The following IPCEF1 variants were observed in gnomAD, a reference collection of about 807,000 sequenced individuals.
IPCEF1 encodes interaction protein for cytohesin exchange factors 1.
Under a neutral mutation model 50.9 loss-of-function variants are expected in IPCEF1, and 31 were observed. The ratio of observed to expected loss-of-function variants is 0.61; its 90% CI spans 0.46 to 0.82. The LOEUF (loss-of-function observed/expected upper bound fraction) is 0.82. Ranked by LOEUF, IPCEF1 falls within the 40% of genes least tolerant of loss-of-function variation. IPCEF1 has a pLI of 0.00. For synonymous variants in IPCEF1, 181 were observed against 192.0 expected (o/e 0.94, Z 0.47); for missense variants, 458 against 514.0 (o/e 0.89, Z 1.05).
At chr6:154,246,549 T>G in intron 5 of IPCEF1, 42 bp downstream of exon 5, 2 of 1,574,074 alleles carry the variant, frequency 1.3e-6, no homozygotes, top group Non-Finnish European at 1.7e-6. Context: ...AACGTATCCC[T>G]CATTAAAACG....
At chr6:154,292,616 C>T (rs908906780) in intron 1 of IPCEF1, among the ~76,000 whole-genome samples, 1 of 152,074 alleles carries the variant, frequency 6.6e-6, no homozygotes, top group Non-Finnish European at 1.5e-5. Context: ...ATCTAGATCC[C>T]TTTTTCTCTT....
Position 154,167,962 on chromosome 6 carries a change from G to A in IPCEF1, c.1062C>T (p.Asn354=), listed in dbSNP as rs149391128. The A allele has an allele frequency of 9.9e-5, 159 of 1,604,310 alleles. No individual in the cohort carries two copies. The highest frequency in any genetic ancestry group is 5.5e-4 in the Admixed American group (33 of 59,620). The change falls in exon 11 of 12, where the codon AAC becomes AAT. Residue 354 remains asparagine (N), a synonymous_variant. Transcript: ENST00000367220. ...FVKRCKNPSI[N]EKLHKIRTLN... is the part of the protein sequence containing the mutation. ...ATGTTCGGATTTTGTGGAGTTTCTC[G>A]TTTATAGATGGATTTTTACACCGCT...
At chr6:154,222,837 C>T in intron 6 of IPCEF1, 1 of 317,594 alleles carries the variant, frequency 3.1e-6, no homozygotes, top group Non-Finnish European at 6.1e-6. Context: ...TATTTAACTG[C>T]TTGTTTTTTC....
intron 5 of IPCEF1, among the ~76,000 whole-genome samples, chr6:154,243,056 T>C (rs1194229698): frequency 6.6e-6 from 1 of 152,098 alleles, no homozygotes; most frequent in East Asian, 1.9e-4. Flanking sequence ...CTTCAGGGCA[T>C]GGAGACAGAG....
At chr6:154,273,181 T>G (rs747756315) in intron 2 of IPCEF1, among the ~76,000 whole-genome samples, 4 of 152,232 alleles carry the variant, frequency 2.6e-5, no homozygotes, top group Admixed American at 6.5e-5. Context: ...AAAATTATAA[T>G]GCTGGCATTC....
intron 9 of IPCEF1, among the ~76,000 whole-genome samples, chr6:154,201,227 A>C (rs774833164): frequency 3.9e-5 from 6 of 152,220 alleles, no homozygotes; most frequent in Non-Finnish European, 7.3e-5. Flanking sequence ...CAGAGGTGTG[A>C]AAATGGATTA....
At chr6:154,344,012 G>T (rs1175111689) in intron 1 of IPCEF1, among the ~76,000 whole-genome samples, 1 of 152,156 alleles carries the variant, frequency 6.6e-6, no homozygotes, top group Non-Finnish European at 1.5e-5. Flanking sequence ...CAGTTTTTGT[G>T]CAGGCTACGT....
At chr6:154,176,226 G>A (rs1800316275) in intron 10 of IPCEF1, among the ~76,000 whole-genome samples, 1 of 152,104 alleles carries the variant, frequency 6.6e-6, no homozygotes, top group Admixed American at 6.5e-5. Context: ...ATACTGAATG[G>A]GCAAAAACTG....
intron 10 of IPCEF1, among the ~76,000 whole-genome samples, chr6:154,177,466 A>C (rs576071346): frequency 6.6e-6 from 1 of 152,356 alleles, no homozygotes; most frequent in South Asian, 2.1e-4. Context: ...ACCCCATCAG[A>C]AAGTGGGCAA....
chr6:154,194,348 G>A (rs74439078), intron 10 of IPCEF1, among the ~76,000 whole-genome samples: 7,477 of 151,762 alleles, frequency 0.049, 304 homozygotes, highest in South Asian at 0.19. Flanking sequence ...GCCGTGAGCT[G>A]AGATCACACC....
At chr6:154,265,076 A>G (rs943139479) in intron 3 of IPCEF1, among the ~76,000 whole-genome samples, 1 of 152,158 alleles carries the variant, frequency 6.6e-6, no homozygotes, top group Non-Finnish European at 1.5e-5. Context: ...TGCCAAAAGA[A>G]GCACACCATA....
At chr6:154,339,667 G>T (rs999110022) in intron 1 of IPCEF1, among the ~76,000 whole-genome samples, 1 of 152,036 alleles carries the variant, frequency 6.6e-6, no homozygotes, top group Admixed American at 6.5e-5. Flanking sequence ...GCAGCTCACT[G>T]CAGTCTCAAA....
At chr6:154,304,729 T>C (rs1033918801) in intron 1 of IPCEF1, among the ~76,000 whole-genome samples, 6 of 152,156 alleles carry the variant, frequency 3.9e-5, no homozygotes, top group Non-Finnish European at 2.9e-5. Flanking sequence ...GCTCAGTTCA[T>C]ACCTGGGAAA....
At chr6:154,347,584 G>A (rs1784055182) in intron 1 of IPCEF1, among the ~76,000 whole-genome samples, 1 of 152,230 alleles carries the variant, frequency 6.6e-6, no homozygotes, top group South Asian at 2.1e-4. Context: ...TGGAAAAGCT[G>A]CAATTATCAG....
chr6:154,295,911 GCACA>G (rs58745478), intron 1 of IPCEF1, among the ~76,000 whole-genome samples: 100,945 of 150,270 alleles, frequency 0.67, 34,111 homozygotes, highest in East Asian at 0.82. Flanking sequence ...ACACACACAC[GCACA>G]CACACACACA....
chr6:154,219,926 G>A (rs1778717183), intron 7 of IPCEF1, among the ~76,000 whole-genome samples: 1 of 152,010 alleles, frequency 6.6e-6, no homozygotes, highest in Admixed American at 6.6e-5. Flanking sequence ...GGGGAGGTGA[G>A]GATAGGGGAC....
chr6:154,354,386 C>T (rs980442244), intron 1 of IPCEF1, among the ~76,000 whole-genome samples: 4 of 151,960 alleles, frequency 2.6e-5, no homozygotes, highest in South Asian at 2.1e-4. Flanking sequence ...TCACCTCCAC[C>T]GTCACCTCCA....
At chr6:154,161,712 A>C (rs1486328947) in intron 11 of IPCEF1, among the ~76,000 whole-genome samples, 2 of 152,198 alleles carry the variant, frequency 1.3e-5, no homozygotes, top group Non-Finnish European at 2.9e-5. Context: ...AAGCTTAAAG[A>C]AGATGACAAG....
At chr6:154,313,910 A>T (rs1264851232) in intron 1 of IPCEF1, among the ~76,000 whole-genome samples, 1 of 149,490 alleles carries the variant, frequency 6.7e-6, no homozygotes, top group Non-Finnish European at 1.5e-5. Flanking sequence ...CACCTGGCTA[A>T]TTTTTTTTTT....
Sources: allele counts gnomAD v4.1 joint callset (sites outside exome capture counted in the v4.1 genomes callset), GRCh38; gene constraint gnomAD v4.1.1; transcripts MANE v1.5; gene names NCBI Gene and HGNC (gene_info 2026-07-23, HGNC 2026-07-21).